The following FBXL20 variants were observed in gnomAD, a reference collection of about 807,000 sequenced individuals.
FBXL20 encodes the protein F-box/LRR-repeat protein 20.
In FBXL20, 11 loss-of-function variants were observed where a neutral mutation model predicts 64.0. That is an observed-to-expected ratio of 0.17 (90% CI 0.11 to 0.28). The LOEUF is 0.28. Among genes scored for constraint, FBXL20 ranks in the 10% least tolerant of loss-of-function variants. FBXL20 has a pLI of 1.00. For synonymous variants in FBXL20, 184 were observed against 189.0 expected, an observed-to-expected ratio of 0.97 and a Z score of 0.22; for missense variants, 303 against 526.2, an observed-to-expected ratio of 0.58 and a Z score of 4.15.
intron 1 of FBXL20, among the ~76,000 whole-genome samples, chr17:39,378,302 CAACT>C (rs1456930155): frequency 6.6e-6 from 1 of 152,080 alleles, no homozygotes; most frequent in African/African-American, 2.4e-5. Flanking sequence ...AATAAAAATA[CAACT>C]AACCCAATTA....
At chr17:39,368,249 A>C (rs1257014576) in intron 1 of FBXL20, among the ~76,000 whole-genome samples, 1 of 152,080 alleles carries the variant, frequency 6.6e-6, no homozygotes, top group Non-Finnish European at 1.5e-5. Context: ...AAAATTACAC[A>C]GGCACAGTGG....
chr17:39,303,853 CT>C (rs1297049086), intron 2 of FBXL20, among the ~76,000 whole-genome samples: 1 of 151,970 alleles, frequency 6.6e-6, no homozygotes, highest in Non-Finnish European at 1.5e-5. Context: ...TACCTGGCTA[CT>C]TTTTAATTTT....
At chr17:39,279,617 C>T (rs1270527069) in intron 9 of FBXL20, among the ~76,000 whole-genome samples, 1 of 152,018 alleles carries the variant, frequency 6.6e-6, no homozygotes, top group Non-Finnish European at 1.5e-5. Flanking sequence ...GTACTGTTGG[C>T]CAGGCACGTG....
chr17:39,317,282 A>G (rs2047302424), intron 2 of FBXL20, among the ~76,000 whole-genome samples: 2 of 151,862 alleles, frequency 1.3e-5, no homozygotes, highest in Non-Finnish European at 2.9e-5. Flanking sequence ...CCCAGGGTGG[A>G]GTGCAGTGGT....
chr17:39,270,937 C>T (rs1005293859), intron 10 of FBXL20, 81 bp from the exon 11 acceptor site: 1 of 1,110,384 alleles, frequency 9.0e-7, no homozygotes, highest in Non-Finnish European at 1.3e-6. Context: ...TAAGAATTTA[C>T]AAAAACAATC....
At chr17:39,321,495 G>C (rs529594233) in intron 2 of FBXL20, among the ~76,000 whole-genome samples, 39 of 145,756 alleles carry the variant, frequency 2.7e-4, no homozygotes, top group African/African-American at 1.0e-3. Context: ...AATCAGTCTA[G>C]GGCCAGGCAC....
At position 39,327,861 on chromosome 17, in the gene FBXL20, C is replaced by T. The variant is rs142097261; in HGVS notation, c.104+15319G>A. On this transcript the variant is annotated intron_variant, in intron 2 of 14. Transcript: ENST00000264658. ...GACTATAGGCGCCTGCCACCACGCC[C>T]GGGTAACCAAACATGTATTTCTTAG... 1.3e-3 allele frequency among the ~76,000 whole-genome samples: 205 copies of T among 152,058 alleles called. 1 individual carries two copies. The highest frequency in any genetic ancestry group is 3.5e-3 in the African/African-American group (145 of 41,482).
At chr17:39,313,064 G>A (rs141831085) in intron 2 of FBXL20, among the ~76,000 whole-genome samples, 127 of 150,486 alleles carry the variant, frequency 8.4e-4, no homozygotes, top group East Asian at 2.4e-3. Flanking sequence ...AATTACCGGC[G>A]CGCACCATCA....
intron 1 of FBXL20, among the ~76,000 whole-genome samples, chr17:39,391,967 C>T (rs999537497): frequency 1.3e-5 from 2 of 151,258 alleles, no homozygotes; most frequent in African/African-American, 2.4e-5. Context: ...CACGGTGAAA[C>T]CCTGTCTCTA....
At chr17:39,382,032 G>C (rs1055245791) in intron 1 of FBXL20, among the ~76,000 whole-genome samples, 1 of 145,710 alleles carries the variant, frequency 6.9e-6, no homozygotes, top group African/African-American at 2.6e-5. Context: ...GGTGGAGGTT[G>C]CAGTAAGCCC....
At position 39,379,505 on chromosome 17, in the gene FBXL20, A is replaced by G. The variant is rs1298273304; in HGVS notation, c.42+21856T>C. On this transcript the variant is annotated intron_variant, in intron 1 of 14. Coordinates refer to ENST00000264658, the MANE Select transcript of FBXL20 (RefSeq NM_032875.3). ...CTTACCAAAAAAAAAAAAACTGGCC[A>G]GGCACAGTGGCTTACCCCTATAATC... is the stretch of plus-strand genomic sequence containing the variant. Among the ~76,000 whole-genome samples the G allele has an allele frequency of 4.9e-5, 7 of 141,952 alleles. No individual in the cohort carries two copies. The South Asian group carries it at 1.3e-3, about 26-fold the overall frequency. 93.1% of individuals were successfully genotyped at this position (141,952 alleles called of 152,430 possible).
intron 2 of FBXL20, among the ~76,000 whole-genome samples, chr17:39,310,257 G>A (rs2047221807): frequency 2.0e-5 from 3 of 151,842 alleles, no homozygotes; most frequent in African/African-American, 7.3e-5. Context: ...GTGTCCAACT[G>A]GAGTCTGCAT....
At chr17:39,347,412 G>A (rs1215450168) in intron 1 of FBXL20, among the ~76,000 whole-genome samples, 2 of 152,126 alleles carry the variant, frequency 1.3e-5, no homozygotes, top group Admixed American at 1.3e-4. Flanking sequence ...TCTCATTATG[G>A]TTTTGATTTG....
intron 6 of FBXL20, among the ~76,000 whole-genome samples, chr17:39,293,832 T>TA (rs1044605466): frequency 6.7e-6 from 1 of 149,674 alleles, no homozygotes; most frequent in African/African-American, 2.4e-5. Context: ...TAGCCTTTAT[T>TA]TTTTTTTTTT....
chr17:39,297,961 G>A (rs538450395), intron 5 of FBXL20, among the ~76,000 whole-genome samples: 8 of 152,092 alleles, frequency 5.3e-5, no homozygotes, highest in South Asian at 2.1e-4. Context: ...GGTCTTGAAC[G>A]CCTGACCTCA....
At chr17:39,274,852 C>T (rs1221017658) in intron 10 of FBXL20, 118 bp downstream of exon 10, 2 of 1,338,646 alleles carry the variant, frequency 1.5e-6, no homozygotes, top group Non-Finnish European at 2.1e-6. Flanking sequence ...AAGGGACTAC[C>T]TTAAAATTTC....
intron 1 of FBXL20, among the ~76,000 whole-genome samples, chr17:39,350,836 G>A (rs944759743): frequency 2.6e-5 from 4 of 152,122 alleles, no homozygotes; most frequent in African/African-American, 9.7e-5. Flanking sequence ...ATTTTCCCTA[G>A]ACCTGTAGAA....
At chr17:39,312,496 A>C (rs2047243932) in intron 2 of FBXL20, among the ~76,000 whole-genome samples, 2 of 145,860 alleles carry the variant, frequency 1.4e-5, no homozygotes, top group East Asian at 2.0e-4. Flanking sequence ...CTCAGCACTT[A>C]AATCCCTTCT....
chr17:39,273,298 GAGCC>G (rs1332411255), intron 10 of FBXL20, among the ~76,000 whole-genome samples: 3 of 152,146 alleles, frequency 2.0e-5, no homozygotes, highest in Non-Finnish European at 4.4e-5. Flanking sequence ...TTACAGGTGT[GAGCC>G]ACTGCGCCTG....
Sources: allele counts gnomAD v4.1 joint callset (sites outside exome capture counted in the v4.1 genomes callset), GRCh38; gene constraint gnomAD v4.1.1; transcripts MANE v1.5; gene names NCBI Gene and HGNC (gene_info 2026-07-23, HGNC 2026-07-21).